INPP5J: variants seen among roughly 807,000 people sequenced by gnomAD.
INPP5J encodes the protein inositol polyphosphate-5-phosphatase J.
A neutral mutation model predicts 86.6 loss-of-function variants in INPP5J; 75 were observed. The observed-to-expected ratio is 0.87, with a 90% CI of 0.72 to 1.05. The LOEUF (loss-of-function observed/expected upper bound fraction) is 1.05. Ranked by LOEUF, INPP5J falls within the 50% of genes least tolerant of loss-of-function variation. INPP5J has a pLI of 0.00. For synonymous variants in INPP5J, 540 were observed against 550.0 expected (o/e 0.98, Z 0.25); for missense variants, 1,229 against 1,341.2 (o/e 0.92, Z 1.31).
At position 31,134,268 on chromosome 22, in the gene INPP5J, G is replaced by T; in HGVS notation, c.2870G>T (p.Ser957Ile). 6.4e-7 allele frequency: 1 copy of T among 1,552,492 alleles called. No homozygotes were observed. Among genetic ancestry groups the T allele is most frequent in the Non-Finnish European group, 8.7e-7 (1 of 1,148,258 alleles). The change falls in exon 13 of 13, where the codon AGC (serine) becomes ATC (isoleucine). Residue 957 changes from serine to isoleucine, a missense_variant. Transcript: ENST00000331075. ...PWAFPPAVPR[S>I]LGLLPALRLE... Reference sequence around the variant, plus strand: ...GCCTTCCCACCAGCTGTGCCTCGAAGCCTGGGCCTGTTGCCCGCCTTGCGC... The same window carrying T: ...GCCTTCCCACCAGCTGTGCCTCGAATCCTGGGCCTGTTGCCCGCCTTGCGC...
chr22:31,132,480 C>G, intron 9 of INPP5J, among the ~76,000 whole-genome samples: 1 of 152,094 alleles, frequency 6.6e-6, no homozygotes, highest in East Asian at 1.9e-4. Flanking sequence ...TGGCTCATGC[C>G]TATAATCCCA....
chr22:31,124,961 A>G lies in INPP5J; in HGVS notation c.222A>G (p.Gly74=), dbSNP rs1396528347. 5.6e-6 allele frequency: 9 copies of G among 1,607,148 alleles called. 1 individual carries two copies. The highest frequency in any genetic ancestry group is 1.6e-4 in the Middle Eastern group (1 of 6,080). The change falls in exon 2 of 13, where the codon GGA becomes GGG. Residue 74 remains glycine (G), a synonymous_variant. Transcript: ENST00000331075. ...CAGCTATGTCAGCTTCCTCGGAAGG[A>G]CCGAGGCTGGCTCTGGCATCTCCCC... ...PRAAMSASSE[G]PRLALASPRP... is the part of the protein sequence containing the mutation.
intron 5 of INPP5J, 114 bp from the exon 6 acceptor site, chr22:31,127,243 A>G (rs1003211757): frequency 1.1e-5 from 11 of 1,009,790 alleles, no homozygotes; most frequent in East Asian, 2.6e-5. Flanking sequence ...GTTGTTCCTC[A>G]TTTCTGTAGG....
At chr22:31,133,852 G>T in intron 12 of INPP5J, 61 bp from the exon 13 acceptor site, 2 of 1,598,882 alleles carry the variant, frequency 1.3e-6, no homozygotes, top group Non-Finnish European at 1.7e-6. Context: ...GACCTCGGGA[G>T]GTCAGGCCTC....
intron 9 of INPP5J, among the ~76,000 whole-genome samples, chr22:31,131,476 T>C (rs1922058017): frequency 6.6e-6 from 1 of 151,982 alleles, no homozygotes; most frequent in African/African-American, 2.4e-5. Flanking sequence ...GGTAGAGGAA[T>C]TGCTTGAACC....
chr22:31,128,927 CTTTTTTTTT>C (rs56761879), intron 9 of INPP5J, among the ~76,000 whole-genome samples: 1 of 80,000 alleles, frequency 1.3e-5, no homozygotes, highest in African/African-American at 4.6e-5. Context: ...CATGCCTTTT[CTTTTTTTTT>C]TTTTTTTTTT....
Position 31,134,543 on chromosome 22 carries a change from G to T in INPP5J, c.*124G>T, listed in dbSNP as rs1017663711. The T allele has an allele frequency of 8.4e-6, 9 of 1,071,026 alleles. No individual in the cohort carries two copies. Among genetic ancestry groups the T allele is most frequent in the Middle Eastern group, 6.1e-4 (2 of 3,268 alleles). The allele number at this position is 1,071,026 out of a possible 1,614,324, so 66.3% of individuals were successfully genotyped here. ...ACCTGCCTCTCTGTCCTGGCCAGGGGTGGACAACTGGGGTCCCCCAAAACT... is the reference window on the plus strand; with the variant it reads ...ACCTGCCTCTCTGTCCTGGCCAGGGTTGGACAACTGGGGTCCCCCAAAACT... On this transcript the variant is annotated 3_prime_UTR_variant, in exon 13 of 13. Transcript: ENST00000331075.
intron 9 of INPP5J, among the ~76,000 whole-genome samples, chr22:31,130,615 C>A (rs1163469497): frequency 2.0e-5 from 3 of 151,950 alleles, no homozygotes; most frequent in African/African-American, 7.3e-5. Context: ...ATAAGACCAG[C>A]AAAATCAAAC....
chr22:31,131,917 TA>T (rs1194355152), intron 9 of INPP5J, among the ~76,000 whole-genome samples: 1 of 151,990 alleles, frequency 6.6e-6, no homozygotes, highest in Non-Finnish European at 1.5e-5. Context: ...TGAAACTAGG[TA>T]AACAGGGGAT....
intron 9 of INPP5J, among the ~76,000 whole-genome samples, chr22:31,131,334 G>A (rs1190317091): frequency 6.6e-6 from 1 of 152,180 alleles, no homozygotes; most frequent in Non-Finnish European, 1.5e-5. Context: ...GGAGGCTGAG[G>A]CAGACGGATC....
rs765636066 is a variant in INPP5J at position 31,133,758 on chromosome 22, T to C, written c.2514+44T>C. The C allele has an allele frequency of 5.1e-6, 8 of 1,577,104 alleles. No individual in the cohort carries two copies. The South Asian group carries it at 7.9e-5, about 16-fold the overall frequency. On this transcript the variant is annotated intron_variant, in intron 12 of 12. Transcript: ENST00000331075. Reference sequence around the variant, plus strand: ...TGGGCTGGGGGTGCCTAAAGACTTTTGTCAAATGCCACAGCCTCTACATTC... The same window carrying C: ...TGGGCTGGGGGTGCCTAAAGACTTTCGTCAAATGCCACAGCCTCTACATTC...
In INPP5J at chr22:31,128,025, A is replaced by T; in HGVS notation, c.1862A>T (p.Asp621Val). Residue 621 changes from aspartate to valine, a missense_variant, in exon 7 of 13, where the codon GAC becomes GTC. Transcript: ENST00000331075. Reference protein sequence around the residue: ...YDLHFVKFAIDSDQLHQLWEK... With the variant: ...YDLHFVKFAIVSDQLHQLWEK... Reference sequence around the variant, plus strand: ...CTGCACTTTGTCAAGTTTGCCATCGACAGTGACCAGCTCCATCAGCTCTGG... The same window carrying T: ...CTGCACTTTGTCAAGTTTGCCATCGTCAGTGACCAGCTCCATCAGCTCTGG... 1 of 1,613,086 alleles carries T rather than the reference A, an allele frequency of 6.2e-7. No individual in the cohort carries two copies. Among genetic ancestry groups the T allele is most frequent in the Non-Finnish European group, 8.5e-7 (1 of 1,179,696 alleles).
At chr22:31,123,173 ACC>A in intron 1 of INPP5J, 54 bp downstream of exon 1, 16 of 1,057,124 alleles carry the variant, frequency 1.5e-5, no homozygotes, top group South Asian at 2.0e-5. Context: ...GGTTCCACAC[ACC>A]CCCCCCACAT....
intron 6 of INPP5J, 76 bp from the exon 7 acceptor site, chr22:31,127,875 T>TGA (rs1921649136): frequency 1.1e-6 from 1 of 880,898 alleles, no homozygotes; most frequent in Admixed American, 2.0e-5. Flanking sequence ...GGATCTGGGC[T>TGA]GAGCCCTTAT....
Position 31,134,268 on chromosome 22 carries a change from G to A in INPP5J, c.2870G>A (p.Ser957Asn). ...PWAFPPAVPR[S>N]LGLLPALRLE... ...GCCTTCCCACCAGCTGTGCCTCGAA[G>A]CCTGGGCCTGTTGCCCGCCTTGCGC... Residue 957 changes from serine to asparagine, a missense_variant, in exon 13 of 13, where the codon AGC becomes AAC. By Grantham distance (46) the Ser-to-Asn change is conservative. Coordinates refer to ENST00000331075, the MANE Select transcript of INPP5J (RefSeq NM_001284285.2). The A allele has an allele frequency of 1.3e-6, 2 of 1,552,492 alleles. No individual in the cohort carries two copies. The highest frequency in any genetic ancestry group is 8.7e-7 in the Non-Finnish European group (1 of 1,148,258).
chr22:31,126,505 A>C lies in INPP5J; in HGVS notation c.1385+16A>C, dbSNP rs200129581. ...TCGCCATAGGGTGAGGTGGCAGGGCATGTGGACCCCCTCCTGAGCCCCTCG... is the reference window on the plus strand; with the variant it reads ...TCGCCATAGGGTGAGGTGGCAGGGCCTGTGGACCCCCTCCTGAGCCCCTCG... On this transcript the variant is annotated intron_variant, in intron 3 of 12. Transcript: ENST00000331075. 448 of 1,611,154 alleles carry C rather than the reference A, an allele frequency of 2.8e-4. No individual in the cohort carries two copies. The African/African-American group carries it at 5.5e-3, about 20-fold the overall frequency.
In INPP5J at chr22:31,133,655, A is replaced by G; in HGVS notation, c.2455A>G (p.Ile819Val). The G allele has an allele frequency of 1.2e-6, 2 of 1,613,220 alleles. No individual in the cohort carries two copies. The highest frequency in any genetic ancestry group is 1.7e-6 in the Non-Finnish European group (2 of 1,179,608). Residue 819 changes from isoleucine to valine, a missense_variant, in exon 12 of 13, where the codon ATC becomes GTC. Coordinates refer to ENST00000331075, the MANE Select transcript of INPP5J (RefSeq NM_001284285.2). ...ESLPKGHGDFILGYYSHNHSI... is the reference protein window; with the variant it reads ...ESLPKGHGDFVLGYYSHNHSI... ...ACTGCCCAAGGGCCATGGAGACTTCATCCTGGGCTACTATAGTCACAACCA... is the reference window on the plus strand; with the variant it reads ...ACTGCCCAAGGGCCATGGAGACTTCGTCCTGGGCTACTATAGTCACAACCA...
rs368342818 is a variant in INPP5J, at chr22:31,128,510, A to G, written c.2049A>G (p.Leu683=). The change falls in exon 9 of 13, where the codon CTA becomes CTG. Residue 683 remains leucine (L), a synonymous_variant. Transcript: ENST00000331075. The part of the protein sequence containing the change: ...KRKPAWTDRI[L]WKVKAPGGGP... The stretch of plus-strand genomic sequence containing the variant: ...AGCCAGCTTGGACAGACCGTATCCT[A>G]TGGAAGGTCAAGGCTCCAGGTGGGG... The G allele has an allele frequency of 9.9e-6, 16 of 1,613,512 alleles. No individual in the cohort carries two copies. Among genetic ancestry groups the G allele is most frequent in the East Asian group, 2.2e-5 (1 of 44,878 alleles).
In INPP5J at chr22:31,128,542, G is replaced by A; in HGVS notation, c.2081G>A (p.Ser694Asn). 6.2e-7 allele frequency: 1 copy of A among 1,613,438 alleles called. No individual in the cohort carries two copies. The highest frequency in any genetic ancestry group is 8.5e-7 in the Non-Finnish European group (1 of 1,179,860). The change falls in exon 9 of 13, where the codon AGC (serine) becomes AAC (asparagine). Residue 694 changes from serine to asparagine, a missense_variant. Coordinates refer to ENST00000331075, the MANE Select transcript of INPP5J (RefSeq NM_001284285.2). Reference sequence around the variant, plus strand: ...GTCAAGGCTCCAGGTGGGGGTCCCAGCCCCTCAGGACGGAAGAGCCACCGA... The same window carrying A: ...GTCAAGGCTCCAGGTGGGGGTCCCAACCCCTCAGGACGGAAGAGCCACCGA... The part of the protein sequence containing the change: ...WKVKAPGGGP[S>N]PSGRKSHRLQ...
Sources: allele counts gnomAD v4.1 joint callset (sites outside exome capture counted in the v4.1 genomes callset), GRCh38; gene constraint gnomAD v4.1.1; transcripts MANE v1.5; gene names NCBI Gene and HGNC (gene_info 2026-07-23, HGNC 2026-07-21).